The following RPL6 variants were observed in gnomAD, a reference collection of about 807,000 sequenced individuals.
The protein encoded by RPL6 is large ribosomal subunit protein eL6.
In RPL6, 1 loss-of-function variant was observed where a neutral mutation model predicts 32.1. The observed-to-expected ratio is 0.03, with a 90% CI of 0.01 to 0.15. RPL6 has a LOEUF of 0.15. Ranked by LOEUF, RPL6 falls within the 10% of genes least tolerant of loss-of-function variation. The pLI, the probability that RPL6 is intolerant of heterozygous loss-of-function variation, is 1.00. For synonymous variants in RPL6, 126 were observed against 131.6 expected (o/e 0.96, Z 0.29); for missense variants, 275 against 354.6 (o/e 0.78, Z 1.80).
intron 1 of RPL6, among the ~76,000 whole-genome samples, chr12:112,417,311 G>A (rs955205747): frequency 1.3e-5 from 2 of 152,042 alleles, no homozygotes; most frequent in Admixed American, 6.6e-5. Context: ...GCTCTCCTTG[G>A]CCTCCCAAAG....
chr12:112,406,713 T>C (rs773050902), intron 4 of RPL6, 34 bp downstream of exon 4: 9 of 1,610,972 alleles, frequency 5.6e-6, no homozygotes, highest in Non-Finnish European at 2.5e-6. Flanking sequence ...CCCAGGCAGC[T>C]GCAGTGAAGC....
At chr12:112,407,942 A>T (rs2037225111) in intron 3 of RPL6, 1 of 322,126 alleles carries the variant, frequency 3.1e-6, no homozygotes, top group Non-Finnish European at 5.8e-6. Flanking sequence ...CTGGTCTTGA[A>T]CTCCTGACCT....
intron 4 of RPL6, 116 bp from the exon 5 acceptor site, chr12:112,406,458 A>T: frequency 2.2e-6 from 2 of 929,652 alleles, no homozygotes; most frequent in Non-Finnish European, 3.3e-6. Context: ...ATATGTATAC[A>T]GCTCGGCAGT....
chr12:112,412,266 C>G (rs2135808424), upstream of RPL6, among the ~76,000 whole-genome samples: 1 of 152,200 alleles, frequency 6.6e-6, no homozygotes, highest in Admixed American at 6.5e-5. Flanking sequence ...GTCTCGATCT[C>G]CTGACCTCGT....
chr12:112,410,575 TTTTTTTTTTTTTTTTTG>T (rs1318773625), upstream of RPL6, among the ~76,000 whole-genome samples: 6 of 112,372 alleles, frequency 5.3e-5, no homozygotes, highest in African/African-American at 1.8e-4. Context: ...TTTTTTTTTT[TTTTTTTTTTTTTTTTTG>T]AGATGGAGTC....
chr12:112,413,446 G>A (rs1038319759), upstream of RPL6, among the ~76,000 whole-genome samples: 4 of 152,128 alleles, frequency 2.6e-5, no homozygotes, highest in African/African-American at 9.7e-5. Context: ...GCTGAGGCAG[G>A]AGAATGGTGT....
At chr12:112,406,513 T>C (rs749912317) in intron 4 of RPL6, 171 bp from the exon 5 acceptor site, 53 of 790,758 alleles carry the variant, frequency 6.7e-5, no homozygotes, top group Non-Finnish European at 1.0e-4. Flanking sequence ...ACTCCAGACA[T>C]AAACACGTTT....
In RPL6 at chr12:112,408,632, G is replaced by A. The variant is rs2037258650; in HGVS notation, c.25C>T (p.Pro9Ser). The change falls in exon 2 of 7, where the codon CCA becomes TCA. Residue 9 changes from proline (P) to serine (S), a missense_variant. Pro to Ser is a moderately conservative substitution (Grantham distance 74). Transcript: ENST00000202773. MAGEKVEKPDTKEKKPEAK... is the reference protein window; with the variant it reads MAGEKVEKSDTKEKKPEAK... ...TCGGGTTTCTTCTCTTTAGTATCTG[G>A]CTTCTCAACTTTTTCACCCGCCATC... 1.3e-6 allele frequency: 2 copies of A among 1,563,302 alleles called. No individual in the cohort carries two copies. Among genetic ancestry groups the A allele is most frequent in the African/African-American group, 1.4e-5 (1 of 72,498 alleles).
At chr12:112,412,941 A>C (rs955137628), upstream of RPL6, among the ~76,000 whole-genome samples, 2 of 151,586 alleles carry the variant, frequency 1.3e-5, no homozygotes. Context: ...TAAATAAATA[A>C]ATAAATAAAT....
chr12:112,418,106 A>G (rs2037445059), intron 1 of RPL6, among the ~76,000 whole-genome samples: 2 of 151,914 alleles, frequency 1.3e-5, no homozygotes, highest in South Asian at 4.2e-4. Context: ...CAGACTCCCA[A>G]GCAGCTGGGA....
chr12:112,414,214 G>C (rs769569248), upstream of RPL6, among the ~76,000 whole-genome samples: 3 of 152,250 alleles, frequency 2.0e-5, no homozygotes, highest in Non-Finnish European at 4.4e-5. Flanking sequence ...TTATGTGAGG[G>C]TGTTGGCACA....
chr12:112,416,606 G>C (rs2037413862), intron 1 of RPL6, among the ~76,000 whole-genome samples: 1 of 151,850 alleles, frequency 6.6e-6, no homozygotes, highest in East Asian at 1.9e-4. Context: ...TAGAGACGAG[G>C]GTTCACCATG....
rs1370679058 is a variant in RPL6 at position 112,405,835 on chromosome 12, T to A, written c.714+18A>T. 6.2e-7 allele frequency: 1 copy of A among 1,601,014 alleles called. No individual in the cohort carries two copies. The highest frequency in any genetic ancestry group is 2.2e-5 in the East Asian group (1 of 44,774). On this transcript the variant is annotated intron_variant, in intron 6 of 6. Coordinates refer to ENST00000202773, the MANE Select transcript of RPL6 (RefSeq NM_000970.6). ...GAAGGGCCAGTGCTAACACAGGAGATGACAAGTAGAAACTTACCTCTTTTT... is the reference window on the plus strand; with the variant it reads ...GAAGGGCCAGTGCTAACACAGGAGAAGACAAGTAGAAACTTACCTCTTTTT...
Position 112,405,728 on chromosome 12 carries a change from T to G in RPL6, c.714+125A>C, listed in dbSNP as rs748434954. On this transcript the variant is annotated intron_variant, in intron 6 of 6. Coordinates refer to ENST00000202773, the MANE Select transcript of RPL6 (RefSeq NM_000970.6). ...CTCAATTTAGAAGAATCTGGAATAC[T>G]AAGTATCTCCCAGCATTCCTCATTA... 36 of 804,894 alleles carry G rather than the reference T, an allele frequency of 4.5e-5. 1 individual carries two copies. In the South Asian group the frequency reaches 6.8e-4, roughly 15 times the overall value. 49.9% of individuals were successfully genotyped at this position (804,894 alleles called of 1,614,324 possible).
intron 1 of RPL6, chr12:112,418,325 G>C (rs1369316843): frequency 6.5e-6 from 1 of 152,700 alleles, no homozygotes; most frequent in Non-Finnish European, 1.5e-5. Context: ...TCAGGGTGTA[G>C]TGCAGTGGCG....
At chr12:112,406,453 T>A in intron 4 of RPL6, 111 bp from the exon 5 acceptor site, 1 of 966,596 alleles carries the variant, frequency 1.0e-6, no homozygotes, top group Non-Finnish European at 1.6e-6. Flanking sequence ...CATGTATATG[T>A]ATACAGCTCG....
upstream of RPL6, among the ~76,000 whole-genome samples, chr12:112,415,132 G>A (rs1001276264): frequency 2.0e-5 from 3 of 152,138 alleles, no homozygotes; most frequent in Non-Finnish European, 4.4e-5. Flanking sequence ...GAACCCTCTG[G>A]GGAAAGAAAG....
Position 112,408,346 on chromosome 12 carries a change from G to A in RPL6, c.238-8C>T, listed in dbSNP as rs1381968944. 1 of 1,613,908 alleles carries A rather than the reference G, an allele frequency of 6.2e-7. No homozygotes were observed. The highest frequency in any genetic ancestry group is 8.5e-7 in the Non-Finnish European group (1 of 1,179,860). Reference sequence around the variant, plus strand: ...CTTCTTTTTCTTTTCAACCTACAAGGACACAAATGCATCAACAGTAAGAGA... The same window carrying A: ...CTTCTTTTTCTTTTCAACCTACAAGAACACAAATGCATCAACAGTAAGAGA... On this transcript the variant is annotated splice_region_variant and splice_polypyrimidine_tract_variant and intron_variant, in intron 2 of 6. Transcript: ENST00000202773.
chr12:112,406,499 T>A, intron 4 of RPL6, 157 bp from the exon 5 acceptor site: 4 of 781,942 alleles, frequency 5.1e-6, no homozygotes, highest in African/African-American at 1.8e-5. Flanking sequence ...GCTACTAAGG[T>A]AGTACTCCAG....
Sources: gnomAD v4.1 joint callset for allele counts (sites outside exome capture counted in the v4.1 genomes callset) on GRCh38, gnomAD v4.1.1 for gene constraint, MANE v1.5 for transcripts, NCBI Gene and HGNC (gene_info 2026-07-23, HGNC 2026-07-21) for gene names.